The following SYNE1 variants were observed in gnomAD, a reference collection of about 807,000 sequenced individuals.
The protein encoded by SYNE1 is nesprin-1.
A neutral mutation model predicts 1,111.0 loss-of-function variants in SYNE1; 616 were observed. The ratio of observed to expected loss-of-function variants is 0.55; its 90% CI spans 0.52 to 0.59. SYNE1 has a LOEUF of 0.59. SYNE1 is among the 20% of genes least tolerant of loss of function. The pLI is 0.00. For synonymous variants in SYNE1, 3,855 were observed against 3,825.8 expected, an observed-to-expected ratio of 1.01 and a Z score of -0.28; for missense variants, 10,006 against 10,417.0, an observed-to-expected ratio of 0.96 and a Z score of 1.72.
Position 152,294,134 on chromosome 6 carries a change from G to T in SYNE1, c.17683-7C>A. Reference sequence around the variant, plus strand: ...CTTGGTAATATGCAATGTCCTGTGAGTGCAAAGCACAGTATTGAATTAAAC... The same window carrying T: ...CTTGGTAATATGCAATGTCCTGTGATTGCAAAGCACAGTATTGAATTAAAC... On this transcript the variant is annotated splice_region_variant and splice_polypyrimidine_tract_variant and intron_variant, in intron 93 of 145. Transcript: ENST00000367255. The T allele has an allele frequency of 6.2e-7, 1 of 1,613,162 alleles. No individual in the cohort carries two copies. The highest frequency in any genetic ancestry group is 8.5e-7 in the Non-Finnish European group (1 of 1,179,908).
intron 6 of SYNE1, among the ~76,000 whole-genome samples, chr6:152,518,405 A>C (rs1456305629): frequency 6.6e-6 from 1 of 151,792 alleles, no homozygotes; most frequent in African/African-American, 2.4e-5. Context: ...AGTTCTCGTA[A>C]GACGTGGTTG....
At chr6:152,270,785 G>T (rs936561385) in intron 98 of SYNE1, among the ~76,000 whole-genome samples, 1 of 151,708 alleles carries the variant, frequency 6.6e-6, no homozygotes, top group Admixed American at 6.6e-5. Context: ...ACTGATAATG[G>T]GATAGAAAGT....
chr6:152,452,009 AAAG>A (rs763075172), intron 25 of SYNE1, among the ~76,000 whole-genome samples: 32 of 147,056 alleles, frequency 2.2e-4, no homozygotes, highest in Non-Finnish European at 4.2e-4. Context: ...TTTAAAAAGA[AAAG>A]AAAAAAAAAA....
Position 152,391,347 on chromosome 6 carries a change from T to A in SYNE1, c.7934A>T (p.Asp2645Val). ...SMWFWVKAIQ[D>V]RLACAESTLG... ...AGTGCTCTCTGCACAGGCCAGTCTGTCCTGAATGGCCTTCACCCAGAACCA... is the reference window on the plus strand; with the variant it reads ...AGTGCTCTCTGCACAGGCCAGTCTGACCTGAATGGCCTTCACCCAGAACCA... The change falls in exon 52 of 146, where the codon GAC becomes GTC. Residue 2645 changes from aspartate to valine, a missense_variant. Around this residue, in one of 7 missense-constraint regions of SYNE1, gnomAD observed 4,955 missense variants for 5,017.2 expected, o/e 0.99. Transcript: ENST00000367255. The A allele has an allele frequency of 6.2e-7, 1 of 1,614,156 alleles. No homozygotes were observed.
chr6:152,461,522 GAGA>G (rs2098734017), intron 21 of SYNE1, 72 bp downstream of exon 21: 1 of 1,582,734 alleles, frequency 6.3e-7, no homozygotes, highest in African/African-American at 1.3e-5. Context: ...TGCCCATGGG[GAGA>G]AGGAGGTAGC....
intron 29 of SYNE1, among the ~76,000 whole-genome samples, chr6:152,446,394 T>C (rs1201807173): frequency 2.0e-5 from 3 of 152,104 alleles, no homozygotes; most frequent in Non-Finnish European, 2.9e-5. Flanking sequence ...CAAAAACTCA[T>C]AGGGAAACTC....
intron 24 of SYNE1, among the ~76,000 whole-genome samples, chr6:152,454,362 G>C (rs1455788692): frequency 1.3e-5 from 2 of 152,312 alleles, no homozygotes; most frequent in East Asian, 3.9e-4. Context: ...CCTCATGATA[G>C]GATTAGTGCG....
At position 152,359,300 on chromosome 6, in the gene SYNE1, AG is replaced by A. The variant is rs1591018095; in HGVS notation, c.10443+14del. ...CCCCTTTTGGTGAGTCTACAAGGAA[AG>A]TGCTTTGCCGTACCTTGGCCCTCTC... is the stretch of plus-strand genomic sequence containing the variant. On this transcript the variant is annotated intron_variant, in intron 65 of 145. Coordinates refer to ENST00000367255, the MANE Select transcript of SYNE1 (RefSeq NM_182961.4). 1.2e-6 allele frequency: 2 copies of A among 1,613,486 alleles called. No homozygotes were observed. Among genetic ancestry groups the A allele is most frequent in the East Asian group, 4.5e-5 (2 of 44,878 alleles).
chr6:152,472,443 ATG>A, intron 14 of SYNE1, 30 bp from the exon 15 acceptor site: 3 of 1,578,624 alleles, frequency 1.9e-6, no homozygotes, highest in African/African-American at 1.3e-5. Context: ...AAAATAAAAA[ATG>A]AAAAACATGT....
chr6:152,125,750 T>C (rs1218282164), intron 145 of SYNE1: 2 of 160,134 alleles, frequency 1.2e-5, no homozygotes, highest in East Asian at 1.7e-4. Context: ...ATATAATTGA[T>C]AGTACAATCT....
intron 95 of SYNE1, among the ~76,000 whole-genome samples, chr6:152,287,071 T>C (rs188921364): frequency 7.9e-5 from 12 of 152,380 alleles, no homozygotes; most frequent in African/African-American, 2.9e-4. Context: ...TTGACAGTTA[T>C]GACATCCAAG....
chr6:152,224,818 T>TA (rs1387718773), intron 116 of SYNE1, among the ~76,000 whole-genome samples, 154 bp from the exon 117 acceptor site: 1 of 151,100 alleles, frequency 6.6e-6, no homozygotes, highest in African/African-American at 2.4e-5. Context: ...ATTTAAAAGG[T>TA]AAAATGTATC....
At chr6:152,190,645 C>T (rs1444090851) in intron 127 of SYNE1, among the ~76,000 whole-genome samples, 1 of 152,088 alleles carries the variant, frequency 6.6e-6, no homozygotes, top group Non-Finnish European at 1.5e-5. Context: ...ACTACATTTG[C>T]CTTGTTGTTC....
At position 152,344,207 on chromosome 6, in the gene SYNE1, G is replaced by A. The variant is rs375862387; in HGVS notation, c.12099C>T (p.His4033=). ...TAQRMYQSLE[H]ELQKHVSRQD... is the part of the protein sequence containing the mutation. ...GTCGGCTGACGTGCTTCTGAAGTTC[G>A]TGTTCCAAACTCTGGTACATCTGAG... Residue 4033 remains histidine (H), a synonymous_variant, in exon 74 of 146, where the codon CAC becomes CAT. Transcript: ENST00000367255. 26 of 1,614,174 alleles carry A rather than the reference G, an allele frequency of 1.6e-5. No homozygotes were observed. Among genetic ancestry groups the A allele is most frequent in the African/African-American group, 1.2e-4 (9 of 75,042 alleles).
chr6:152,252,179 G>A (rs2089506796), intron 104 of SYNE1, among the ~76,000 whole-genome samples: 1 of 152,120 alleles, frequency 6.6e-6, no homozygotes. Context: ...AGCTGAGGCA[G>A]AAGAATTGTT....
rs200922100 is a variant in SYNE1, at chr6:152,293,956, T to C, written c.17850+4A>G. ...GCATAAACTAGTCCACCTTGAAGAC[T>C]TACCACATTCTTTAAGGTTTCCCAA... On this transcript the variant is annotated splice_donor_region_variant and intron_variant, in intron 94 of 145. Transcript: ENST00000367255. The C allele has an allele frequency of 1.9e-6, 3 of 1,614,106 alleles. No individual in the cohort carries two copies. The Admixed American group carries it at 5.0e-5, about 27-fold the overall frequency.
chr6:152,465,149 C>A (rs1476027015), intron 18 of SYNE1, 109 bp downstream of exon 18: 12 of 1,266,976 alleles, frequency 9.5e-6, no homozygotes, highest in Non-Finnish European at 1.2e-5. Flanking sequence ...AGTCAAGATT[C>A]TTGAGTGACA....
chr6:152,254,244 CTTT>C (rs773598537), intron 104 of SYNE1, among the ~76,000 whole-genome samples: 3 of 73,144 alleles, frequency 4.1e-5, no homozygotes, highest in African/African-American at 1.7e-4. Context: ...TCTGCATACT[CTTT>C]TTTTTTTTTT....
At chr6:152,606,241 A>G (rs2099614491) in intron 3 of SYNE1, among the ~76,000 whole-genome samples, 1 of 152,142 alleles carries the variant, frequency 6.6e-6, no homozygotes, top group Admixed American at 6.5e-5. Flanking sequence ...ATGAAGGGCC[A>G]GGGTCCAAGC....
Sources: gnomAD v4.1 joint callset for allele counts (sites outside exome capture counted in the v4.1 genomes callset) on GRCh38, gnomAD v4.1.1 for gene constraint, gnomAD v4.1.1 regional missense constraint, MANE v1.5 for transcripts, NCBI Gene and HGNC (gene_info 2026-07-23, HGNC 2026-07-21) for gene names.